Variants in GALNT14 observed in about 807,000 individuals in gnomAD.
GALNT14 encodes polypeptide N-acetylgalactosaminyltransferase 14, also known as UDP-GalNAc:polypeptide N-acetylgalactosaminyltransferase 14.
In GALNT14, 60 loss-of-function variants were observed where a neutral mutation model predicts 77.5. That is an observed-to-expected ratio of 0.77 (90% CI 0.63 to 0.96). The LOEUF (loss-of-function observed/expected upper bound fraction) is 0.96, where lower values mean the gene tolerates loss of function less well. Among genes scored for constraint, GALNT14 ranks in the 40% least tolerant of loss-of-function variants. The pLI, the probability that GALNT14 is intolerant of heterozygous loss-of-function variation, is 0.00. For synonymous variants in GALNT14, 280 were observed against 281.7 expected (o/e 0.99, Z 0.06); for missense variants, 710 against 731.0 (o/e 0.97, Z 0.33).
chr2:31,117,034 T>C (rs1181436341), intron 1 of GALNT14, among the ~76,000 whole-genome samples: 1 of 151,584 alleles, frequency 6.6e-6, no homozygotes, highest in Non-Finnish European at 1.5e-5. Flanking sequence ...CGAAACTCTA[T>C]CTCAGAAAAA....
chr2:31,039,371 A>G (rs914145810), intron 1 of GALNT14, among the ~76,000 whole-genome samples: 1 of 152,242 alleles, frequency 6.6e-6, no homozygotes. Context: ...TTTTTAGTGC[A>G]CAGAAAAACC....
intron 1 of GALNT14, among the ~76,000 whole-genome samples, chr2:31,048,708 C>A (rs1230577390): frequency 6.6e-6 from 1 of 151,976 alleles, no homozygotes; most frequent in East Asian, 1.9e-4. Context: ...CCACGTCTCA[C>A]TTCTCTCCCC....
chr2:30,951,667 C>T (rs140107521), intron 6 of GALNT14, among the ~76,000 whole-genome samples: 3 of 152,342 alleles, frequency 2.0e-5, no homozygotes, highest in Non-Finnish European at 2.9e-5. Flanking sequence ...TGCACGCACA[C>T]GTGCACACAT....
At chr2:30,957,522 T>A (rs1406819556) in intron 4 of GALNT14, among the ~76,000 whole-genome samples, 1 of 152,152 alleles carries the variant, frequency 6.6e-6, no homozygotes. Flanking sequence ...GGAGAGCCGA[T>A]CCTCACGTTC....
chr2:30,992,753 T>C, intron 2 of GALNT14, 85 bp downstream of exon 2: 1 of 1,455,724 alleles, frequency 6.9e-7, no homozygotes, highest in Non-Finnish European at 9.5e-7. Context: ...TTAGCACTGG[T>C]GCTGCATACA....
intron 1 of GALNT14, among the ~76,000 whole-genome samples, chr2:31,130,784 GCGCGCGCACC>G (rs1166925310): frequency 2.2e-4 from 27 of 124,956 alleles, no homozygotes; most frequent in African/African-American, 4.9e-4. Flanking sequence ...GTGTGTGTGT[GCGCGCGCACC>G]TGTGTGTGTG....
Position 31,130,700 on chromosome 2 carries a change from T to C in GALNT14, c.129+7258A>G, listed in dbSNP as rs544666185. Among the ~76,000 whole-genome samples, 194 of 150,004 alleles carry C rather than the reference T, an allele frequency of 1.3e-3. 6 individuals carry two copies. The South Asian group carries it at 0.04, about 31-fold the overall frequency. ...AACCAAAATACCAGAGCCAGCACAT[T>C]GCAGGAGCTCCTGCAGAATTCCCCA... On this transcript the variant is annotated intron_variant, in intron 1 of 14. Transcript: ENST00000349752.
rs768495487 is a variant in GALNT14 at position 31,127,395 on chromosome 2, C to T, written c.129+10563G>A. On this transcript the variant is annotated intron_variant, in intron 1 of 14. Transcript: ENST00000349752. ...AATACCAAAAGAAGAATACTTCATG[C>T]GATGTGAAAAATATATGAAATTCAA... Among the ~76,000 whole-genome samples the T allele has an allele frequency of 3.3e-5, 5 of 152,210 alleles. 1 individual carries two copies. The highest frequency in any genetic ancestry group is 9.6e-5 in the African/African-American group (4 of 41,544).
intron 1 of GALNT14, chr2:31,129,534 C>A: frequency 1.0e-6 from 1 of 985,366 alleles, no homozygotes; most frequent in Non-Finnish European, 1.2e-6. Flanking sequence ...TATCTGGGTG[C>A]CTTAATTAAT....
chr2:30,947,456 G>C (rs190410743), intron 6 of GALNT14, among the ~76,000 whole-genome samples: 5 of 152,110 alleles, frequency 3.3e-5, no homozygotes, highest in African/African-American at 9.7e-5. Flanking sequence ...TGGAGCCATC[G>C]AGCCACTGTA....
intron 1 of GALNT14, among the ~76,000 whole-genome samples, chr2:31,002,461 T>A (rs1185399901): frequency 6.6e-6 from 1 of 151,698 alleles, no homozygotes; most frequent in Non-Finnish European, 1.5e-5. Flanking sequence ...CTACTGAGAT[T>A]CTAATCCAAG....
At chr2:31,011,215 G>C (rs1558490670) in intron 1 of GALNT14, among the ~76,000 whole-genome samples, 1 of 152,210 alleles carries the variant, frequency 6.6e-6, no homozygotes, top group Non-Finnish European at 1.5e-5. Flanking sequence ...CTGCAAAACT[G>C]TGATGCCATT....
chr2:31,038,084 ATTT>A (rs1196402402), intron 1 of GALNT14, among the ~76,000 whole-genome samples: 4,538 of 50,496 alleles, frequency 0.09, 155 homozygotes, highest in Admixed American at 0.16. Flanking sequence ...ATATATATAT[ATTT>A]TTTTTTTTTT....
At chr2:31,015,545 G>T (rs1196640367) in intron 1 of GALNT14, among the ~76,000 whole-genome samples, 1 of 152,124 alleles carries the variant, frequency 6.6e-6, no homozygotes, top group Non-Finnish European at 1.5e-5. Flanking sequence ...ATGTACTAAT[G>T]GCAAAAGGGA....
At chr2:31,131,143 C>T (rs1163596467) in intron 1 of GALNT14, among the ~76,000 whole-genome samples, 2 of 152,142 alleles carry the variant, frequency 1.3e-5, no homozygotes, top group Non-Finnish European at 2.9e-5. Flanking sequence ...CTGCCAGTGG[C>T]CACACTGGCT....
At chr2:31,091,042 T>G (rs1676711715) in intron 1 of GALNT14, among the ~76,000 whole-genome samples, 1 of 152,176 alleles carries the variant, frequency 6.6e-6, no homozygotes, top group Non-Finnish European at 1.5e-5. Flanking sequence ...CCTTCCTCCT[T>G]CAGCAGTGAA....
the GALNT14 span, among the ~76,000 whole-genome samples, chr2:30,895,939 GATGCC>G: frequency 8.5e-5 from 13 of 152,178 alleles, no homozygotes; most frequent in Non-Finnish European, 1.5e-4. Flanking sequence ...TTGGGGGGCT[GATGCC>G]ACGTCAATTG....
At chr2:31,093,677 G>A (rs1049617219) in intron 1 of GALNT14, among the ~76,000 whole-genome samples, 7 of 152,186 alleles carry the variant, frequency 4.6e-5, no homozygotes, top group African/African-American at 1.2e-4. Context: ...GAATAGCACC[G>A]TTAACAAATG....
chr2:31,078,467 C>G (rs1023550591), intron 1 of GALNT14, among the ~76,000 whole-genome samples: 2 of 152,168 alleles, frequency 1.3e-5, no homozygotes, highest in Admixed American at 6.5e-5. Flanking sequence ...GAAAATTGTC[C>G]TCAGAGTTAA....
Sources: gnomAD v4.1 joint callset for allele counts (sites outside exome capture counted in the v4.1 genomes callset) on GRCh38, gnomAD v4.1.1 for gene constraint, MANE v1.5 for transcripts, NCBI Gene and HGNC (gene_info 2026-07-23, HGNC 2026-07-21) for gene names.